The following NTRK1 variants were observed in gnomAD, a reference collection of about 807,000 sequenced individuals.
The protein encoded by NTRK1 is neurotrophic receptor tyrosine kinase 1, also known as high affinity nerve growth factor receptor.
Under a neutral mutation model 86.8 loss-of-function variants are expected in NTRK1, and 62 were observed. The observed-to-expected ratio is 0.71, with a 90% confidence interval of 0.58 to 0.88. NTRK1 has a LOEUF of 0.88. Ranked by LOEUF, NTRK1 falls within the 40% of genes least tolerant of loss-of-function variation. The probability of loss-of-function intolerance (pLI) is 0.00; values close to 1 mark genes in which losing one functional copy is unlikely to be tolerated. For missense variants in NTRK1, 967 were observed against 1,078.4 expected (o/e 0.90, Z 1.45); for synonymous variants, 469 against 456.6 (o/e 1.03, Z -0.35).
At chr1:156,845,352 C>A in intron 2 of NTRK1, 1 of 1,604,032 alleles carries the variant, frequency 6.2e-7, no homozygotes. Context: ...CCCCTCAGCA[C>A]CTGCCCTAGT....
At chr1:156,871,441 A>G (rs940444066) in intron 6 of NTRK1, among the ~76,000 whole-genome samples, 182 bp from the exon 7 acceptor site, 58 of 152,298 alleles carry the variant, frequency 3.8e-4, no homozygotes, top group African/African-American at 9.9e-4. Flanking sequence ...ATAGTCAACG[A>G]ACAAACCTAA....
At chr1:156,860,744 G>T (rs961255303), upstream of NTRK1, 17 of 1,112,458 alleles carry the variant, frequency 1.5e-5, no homozygotes, top group East Asian at 3.2e-4. Flanking sequence ...GGGCAGAGGG[G>T]GGGGCGTCAG....
intron 3 of NTRK1, 64 bp downstream of exon 3, chr1:156,864,863 G>T: frequency 6.7e-7 from 1 of 1,500,806 alleles, no homozygotes; most frequent in Non-Finnish European, 9.2e-7. Flanking sequence ...GCTGCTAATG[G>T]GCTTGGCTGT....
intron 2 of NTRK1, chr1:156,852,100 A>G: frequency 6.2e-7 from 1 of 1,613,724 alleles, no homozygotes; most frequent in Non-Finnish European, 8.5e-7. Flanking sequence ...CACAGGCACG[A>G]GGGTCTTCTG....
intron 16 of NTRK1, chr1:156,880,566 C>T (rs1250924587): frequency 1.0e-5 from 2 of 191,364 alleles, no homozygotes; most frequent in Non-Finnish European, 2.1e-5. Context: ...GACAGTCCTA[C>T]CCCCTCCCCC....
At chr1:156,824,983 A>C (rs1654283006) in intron 1 of NTRK1, among the ~76,000 whole-genome samples, 1 of 152,154 alleles carries the variant, frequency 6.6e-6, no homozygotes, top group South Asian at 2.1e-4. Context: ...TCCGCCTCCC[A>C]GGTTCAAGCG....
chr1:156,833,116 G>C (rs1654506844), intron 1 of NTRK1, among the ~76,000 whole-genome samples: 1 of 152,230 alleles, frequency 6.6e-6, no homozygotes, highest in Non-Finnish European at 1.5e-5. Flanking sequence ...GTGGAAAATA[G>C]GTGTACAGAT....
At chr1:156,879,522 G>A (rs987350585) in intron 15 of NTRK1, among the ~76,000 whole-genome samples, 160 bp downstream of exon 15, 1 of 152,156 alleles carries the variant, frequency 6.6e-6, no homozygotes, top group Admixed American at 6.5e-5. Context: ...GGTGGAGGGG[G>A]CTCTGTCTCC....
intron 1 of NTRK1, among the ~76,000 whole-genome samples, chr1:156,822,567 A>G (rs1413665862): frequency 3.3e-5 from 5 of 150,740 alleles, no homozygotes; most frequent in South Asian, 2.1e-4. Context: ...ATCACTAAGG[A>G]AAAAAAAAGT....
chr1:156,867,880 A>G lies in NTRK1; in HGVS notation c.429-224A>G, dbSNP rs1321784800. Reference sequence around the variant, plus strand: ...AGTAGAGACGGGGTTTCACTGTGTTAGCCAGGATGGTCTCGATCTTCTGAC... The same window carrying G: ...AGTAGAGACGGGGTTTCACTGTGTTGGCCAGGATGGTCTCGATCTTCTGAC... On this transcript the variant is annotated intron_variant, in intron 4 of 16. Coordinates refer to ENST00000524377, the MANE Select transcript of NTRK1 (RefSeq NM_002529.4). Among the ~76,000 whole-genome samples the G allele has an allele frequency of 2.7e-5, 4 of 148,690 alleles. No individual in the cohort carries two copies. The East Asian group carries it at 8.3e-4, about 31-fold the overall frequency.
intron 1 of NTRK1, among the ~76,000 whole-genome samples, chr1:156,838,534 C>T (rs1365576593): frequency 6.6e-6 from 1 of 152,212 alleles, no homozygotes; most frequent in African/African-American, 2.4e-5. Flanking sequence ...GCAACTGTCT[C>T]TCAGGAGACA....
In NTRK1 at chr1:156,873,603, C is replaced by A. The variant is rs552893549; in HGVS notation, c.851-30C>A. 1.1e-3 allele frequency: 1,768 copies of A among 1,599,962 alleles called. 21 individuals carry two copies. The South Asian group carries it at 0.015, about 13-fold the overall frequency. ...CAGGCTCCCTCCAGCTGCGCCCTGA[C>A]CTCCTGCTGTTGCTCTTTCTGGCCC... On this transcript the variant is annotated intron_variant, in intron 7 of 16. Coordinates refer to ENST00000524377, the MANE Select transcript of NTRK1 (RefSeq NM_002529.4).
intron 1 of NTRK1, among the ~76,000 whole-genome samples, chr1:156,836,426 A>G (rs1654601547): frequency 6.6e-6 from 1 of 151,920 alleles, no homozygotes; most frequent in Non-Finnish European, 1.5e-5. Flanking sequence ...TGGCATCCCC[A>G]TTCTTTCTTG....
upstream of NTRK1, among the ~76,000 whole-genome samples, chr1:156,858,218 A>G (rs1404069880): frequency 6.6e-6 from 1 of 152,124 alleles, no homozygotes; most frequent in Non-Finnish European, 1.5e-5. Flanking sequence ...GGCCCTAGAG[A>G]TGACTTCTAA....
rs1168880929 is a variant in NTRK1, at chr1:156,854,136, G to A, written c.51-10218G>A. The A allele has an allele frequency of 4.3e-6, 7 of 1,614,052 alleles. No individual in the cohort carries two copies. The African/African-American group carries it at 9.3e-5, about 22-fold the overall frequency. ...CTCTCCAGTCCGTAGACACGGAAGA[G>A]CAGCAGGTAGTCGGTGACCTGGGTG... On this transcript the variant is annotated intron_variant, in intron 2 of 16. Transcript: ENST00000392302. The surrounding 1 kb of genome is among the most constrained non-coding windows in gnomAD (Gnocchi z 4.2).
chr1:156,850,530 CATTCTTTTTTTTTT>C (rs1339063993), intron 2 of NTRK1, among the ~76,000 whole-genome samples: 2 of 107,150 alleles, frequency 1.9e-5, no homozygotes, highest in African/African-American at 7.7e-5. Context: ...TAATTTAAAA[CATTCTTTTTTTTTT>C]TTTTTTTTTT....
In NTRK1 at chr1:156,871,621, A is replaced by G; in HGVS notation, c.718-2A>G. On this transcript the variant is annotated splice_acceptor_variant, in intron 6 of 16. Transcript: ENST00000524377. LOFTEE classifies it high-confidence loss of function. The stretch of plus-strand genomic sequence containing the variant: ...TATTCCCCCCTCTCTTTCCTGATCT[A>G]GAAATCTGGGGGTCTGCCATCCCTG... 6.2e-7 allele frequency: 1 copy of G among 1,614,024 alleles called. No homozygotes were observed. The highest frequency in any genetic ancestry group is 8.5e-7 in the Non-Finnish European group (1 of 1,180,008).
chr1:156,868,259 G>T lies in NTRK1; in HGVS notation c.574+10G>T. 6.2e-7 allele frequency: 1 copy of T among 1,606,532 alleles called. No homozygotes were observed. Reference sequence around the variant, plus strand: ...CCCAATGCCAGCTGTGGTAGGTGCCGGGTGAGGGAGGTGGTGTAAGGGGGC... The same window carrying T: ...CCCAATGCCAGCTGTGGTAGGTGCCTGGTGAGGGAGGTGGTGTAAGGGGGC... On this transcript the variant is annotated intron_variant, in intron 5 of 16. Transcript: ENST00000524377.
intron 7 of NTRK1, among the ~76,000 whole-genome samples, chr1:156,873,043 G>GTGTA (rs1403331578): frequency 3.3e-5 from 5 of 151,024 alleles, no homozygotes; most frequent in Non-Finnish European, 5.9e-5. Context: ...GTGTGTGTGT[G>GTGTA]TGTGTGTGTG....
Sources: gnomAD v4.1 joint callset for allele counts (sites outside exome capture counted in the v4.1 genomes callset) on GRCh38, gnomAD v4.1.1 for gene constraint, Gnocchi (gnomAD v3.1) non-coding constraint, MANE v1.5 for transcripts, NCBI Gene and HGNC (gene_info 2026-07-23, HGNC 2026-07-21) for gene names.